Variants in ABCA13 observed in about 807,000 individuals in gnomAD.
The protein encoded by ABCA13 is ATP-binding cassette sub-family A member 13.
In ABCA13, 476 loss-of-function variants were observed where a neutral mutation model predicts 478.7. That is an observed-to-expected ratio of 0.99 (90% CI 0.92 to 1.07). ABCA13 has a LOEUF of 1.07. Among genes scored for constraint, ABCA13 ranks in the 50% least tolerant of loss-of-function variants. The pLI is 0.00. For missense variants in ABCA13, 6,060 were observed against 5,910.6 expected, an observed-to-expected ratio of 1.03 and a Z score of -0.83; for synonymous variants, 2,252 against 2,158.9, an observed-to-expected ratio of 1.04 and a Z score of -1.20.
chr7:48,582,498 A>G (rs1378107589), intron 56 of ABCA13, among the ~76,000 whole-genome samples: 2 of 152,166 alleles, frequency 1.3e-5, no homozygotes, highest in Non-Finnish European at 2.9e-5. Flanking sequence ...CTTTAGACAC[A>G]TCTGCTGCTC....
intron 15 of ABCA13, among the ~76,000 whole-genome samples, chr7:48,252,105 A>G (rs572655620): frequency 6.6e-6 from 1 of 152,226 alleles, no homozygotes; most frequent in South Asian, 2.1e-4. Context: ...AATTCTTTAA[A>G]TACACTCTCT....
At chr7:48,393,945 C>T (rs1816452286) in intron 38 of ABCA13, among the ~76,000 whole-genome samples, 2 of 152,186 alleles carry the variant, frequency 1.3e-5, no homozygotes, top group African/African-American at 4.8e-5. Flanking sequence ...TCGGCTTCTT[C>T]TACCCTTTCC....
chr7:48,615,435 A>G, intron 59 of ABCA13, 58 bp downstream of exon 59: 2 of 1,465,472 alleles, frequency 1.4e-6, no homozygotes, highest in Admixed American at 2.0e-5. Context: ...AGCATGATGC[A>G]GGGTTATGAC....
Position 48,246,040 on chromosome 7 carries a change from C to A in ABCA13, c.1659+10C>A. 2 of 1,611,092 alleles carry A rather than the reference C, an allele frequency of 1.2e-6. No individual in the cohort carries two copies. The highest frequency in any genetic ancestry group is 1.7e-6 in the Non-Finnish European group (2 of 1,178,348). ...TTCAGTAGAGGATGCTGTAAGTATT[C>A]TACCATCTTAGCTCTTCTAAGGGCA... On this transcript the variant is annotated intron_variant, in intron 13 of 61. Transcript: ENST00000435803.
intron 8 of ABCA13, among the ~76,000 whole-genome samples, chr7:48,238,282 G>C (rs577889533): frequency 1.1e-4 from 16 of 152,250 alleles, no homozygotes; most frequent in Admixed American, 3.3e-4. Context: ...CACCTTGGGG[G>C]CTAGGATTTC....
At chr7:48,220,241 C>T (rs1318328877) in intron 4 of ABCA13, among the ~76,000 whole-genome samples, 1 of 152,080 alleles carries the variant, frequency 6.6e-6, no homozygotes, top group East Asian at 1.9e-4. Flanking sequence ...TCTTCACATC[C>T]CTGAGTCATT....
chr7:48,338,450 C>T lies in ABCA13; in HGVS notation c.10199C>T (p.Thr3400Ile). Residue 3400 changes from threonine to isoleucine, a missense_variant, in exon 29 of 62, where the codon ACA (threonine) becomes ATA (isoleucine). By Grantham distance (89) the Thr-to-Ile change is moderately conservative. Around this residue, in one of 3 missense-constraint regions of ABCA13, gnomAD observed 4,423 missense variants for 4,309.1 expected, o/e 1.03. Coordinates refer to ENST00000435803, the MANE Select transcript of ABCA13 (RefSeq NM_152701.5). ...GACAAACTTACTGAAAAACTCCAGA[C>T]ATACGGTAAGTGTGCTGATGGGCAT... The part of the protein sequence containing the change: ...DVDKLTEKLQ[T>I]YGGLLDEMFN... The T allele has an allele frequency of 6.3e-7, 1 of 1,588,406 alleles. No homozygotes were observed. The highest frequency in any genetic ancestry group is 8.6e-7 in the Non-Finnish European group (1 of 1,166,366).
intron 42 of ABCA13, among the ~76,000 whole-genome samples, chr7:48,439,914 T>C (rs954867038): frequency 3.9e-5 from 6 of 152,076 alleles, no homozygotes; most frequent in African/African-American, 1.4e-4. Flanking sequence ...GGGGAGGGGA[T>C]TGTACATGGG....
intron 20 of ABCA13, among the ~76,000 whole-genome samples, chr7:48,293,963 A>G (rs773080898): frequency 9.2e-5 from 14 of 152,214 alleles, no homozygotes; most frequent in Non-Finnish European, 1.6e-4. Context: ...GCTGACCTTC[A>G]GAGCACGGCA....
intron 56 of ABCA13, among the ~76,000 whole-genome samples, chr7:48,584,975 C>T (rs1394817916): frequency 6.6e-6 from 1 of 152,106 alleles, no homozygotes; most frequent in Non-Finnish European, 1.5e-5. Flanking sequence ...ACATCTGCCT[C>T]CTTTTCCAGG....
intron 24 of ABCA13, among the ~76,000 whole-genome samples, chr7:48,310,786 G>A (rs1801663874): frequency 6.6e-6 from 1 of 152,166 alleles, no homozygotes. Context: ...AGTGGGAAGT[G>A]AGGAGGAGCT....
chr7:48,536,206 A>C (rs1045131737), intron 55 of ABCA13, among the ~76,000 whole-genome samples: 4 of 152,284 alleles, frequency 2.6e-5, no homozygotes, highest in South Asian at 4.1e-4. Context: ...CTATCAAAAC[A>C]ATGTTAAATG....
rs1375461119 is a variant in ABCA13 at position 48,317,146 on chromosome 7, A to G, written c.9860-11A>G. ...CATTAGCAACTTTTTTTTTCTTTCT[A>G]ATTGCAACAGCACCGTTTTGCTTGA... On this transcript the variant is annotated splice_polypyrimidine_tract_variant and intron_variant, in intron 26 of 61. Transcript: ENST00000435803. The G allele has an allele frequency of 6.2e-7, 1 of 1,601,764 alleles. No homozygotes were observed. Among genetic ancestry groups the G allele is most frequent in the Non-Finnish European group, 8.5e-7 (1 of 1,176,666 alleles).
intron 55 of ABCA13, among the ~76,000 whole-genome samples, chr7:48,539,959 A>G (rs552386263): frequency 6.6e-6 from 1 of 152,338 alleles, no homozygotes; most frequent in South Asian, 2.1e-4. Flanking sequence ...TCAATAGGTG[A>G]AAACTCAACA....
chr7:48,286,474 G>A (rs1168899852), intron 19 of ABCA13, among the ~76,000 whole-genome samples: 1 of 145,622 alleles, frequency 6.9e-6, no homozygotes, highest in East Asian at 2.1e-4. Flanking sequence ...TAATATGCTG[G>A]AACTGTTTTT....
At chr7:48,630,167 A>T (rs114477759) in intron 59 of ABCA13, among the ~76,000 whole-genome samples, 2,839 of 152,150 alleles carry the variant, frequency 0.019, 38 homozygotes, top group African/African-American at 0.028. Flanking sequence ...ATTAATTTTT[A>T]AAAAATTTTA....
intron 52 of ABCA13, 43 bp from the exon 53 acceptor site, chr7:48,519,998 A>T: frequency 6.5e-7 from 1 of 1,544,614 alleles, no homozygotes; most frequent in Admixed American, 1.9e-5. Flanking sequence ...TGAAAAGGGG[A>T]ATAGCTTTTA....
At chr7:48,196,406 TG>T (rs1245147956) in intron 2 of ABCA13, among the ~76,000 whole-genome samples, 1 of 152,152 alleles carries the variant, frequency 6.6e-6, no homozygotes, top group Non-Finnish European at 1.5e-5. Flanking sequence ...GATCAAGGAC[TG>T]CACGTTGAAG....
intron 41 of ABCA13, among the ~76,000 whole-genome samples, chr7:48,424,855 T>C (rs1821196905): frequency 6.6e-6 from 1 of 152,204 alleles, no homozygotes; most frequent in South Asian, 2.1e-4. Flanking sequence ...GTCATATTGC[T>C]TTTGAAAAGA....
Sources: gnomAD v4.1 joint callset for allele counts (sites outside exome capture counted in the v4.1 genomes callset) on GRCh38, gnomAD v4.1.1 for gene constraint, gnomAD v4.1.1 regional missense constraint, MANE v1.5 for transcripts, NCBI Gene and HGNC (gene_info 2026-07-23, HGNC 2026-07-21) for gene names.